RAP1GAP2: variants seen among roughly 807,000 people sequenced by gnomAD.
The protein encoded by RAP1GAP2 is RAP1 GTPase activating protein 2.
In RAP1GAP2, 27 loss-of-function variants were observed where a neutral mutation model predicts 95.0. That is an observed-to-expected ratio of 0.28 (90% CI 0.21 to 0.39). The LOEUF is 0.39. RAP1GAP2 is among the 10% of genes least tolerant of loss of function. The pLI, the probability that RAP1GAP2 is intolerant of heterozygous loss-of-function variation, is 1.00. For missense variants in RAP1GAP2, 771 were observed against 970.0 expected (o/e 0.79, Z 2.72); for synonymous variants, 373 against 380.9 (o/e 0.98, Z 0.24).
intron 3 of RAP1GAP2, among the ~76,000 whole-genome samples, chr17:2,950,808 A>G (rs181138594): frequency 3.3e-5 from 5 of 151,932 alleles, no homozygotes; most frequent in South Asian, 4.2e-4. Flanking sequence ...ATGGGGTTTC[A>G]TCATGTTGGC....
intron 17 of RAP1GAP2, among the ~76,000 whole-genome samples, chr17:3,015,516 G>T (rs912215889): frequency 6.6e-6 from 1 of 152,134 alleles, no homozygotes; most frequent in Non-Finnish European, 1.5e-5. Context: ...TGTAGACCCA[G>T]CTCTTCCTAA....
In RAP1GAP2 at chr17:2,920,976, G is replaced by A. The variant is rs533795348; in HGVS notation, c.165+15608G>A. Among the ~76,000 whole-genome samples the A allele has an allele frequency of 5.3e-5, 8 of 152,194 alleles. No homozygotes were observed. In the South Asian group the frequency reaches 6.2e-4, roughly 12 times the overall value. ...TGGATGGTGGGTTCTGTGTTGCTTC[G>A]TGAAGGGATGTCCCCTGCGTAGATC... is the stretch of plus-strand genomic sequence containing the variant. On this transcript the variant is annotated intron_variant, in intron 3 of 24. Transcript: ENST00000254695.
At chr17:2,768,418 G>A (rs1420624206) in intron 1 of RAP1GAP2, among the ~76,000 whole-genome samples, 2 of 152,148 alleles carry the variant, frequency 1.3e-5, no homozygotes, top group Non-Finnish European at 1.5e-5. Flanking sequence ...TAGGCTGGGC[G>A]TGGTGGCTCA....
intron 1 of RAP1GAP2, among the ~76,000 whole-genome samples, chr17:2,787,456 A>C (rs550007362): frequency 4.6e-5 from 7 of 151,790 alleles, no homozygotes; most frequent in Admixed American, 4.6e-4. Context: ...GGGTCTTACT[A>C]TGTTGCTGGG....
chr17:3,017,031 C>T (rs1288323371), intron 17 of RAP1GAP2, among the ~76,000 whole-genome samples: 1 of 152,124 alleles, frequency 6.6e-6, no homozygotes, highest in East Asian at 1.9e-4. Flanking sequence ...CTTTGAAGGC[C>T]TTTGGAGCCA....
chr17:2,893,881 T>G (rs2073802018), intron 2 of RAP1GAP2, among the ~76,000 whole-genome samples: 1 of 152,232 alleles, frequency 6.6e-6, no homozygotes, highest in Non-Finnish European at 1.5e-5. Context: ...TGCCACCCCC[T>G]GCTTGGCACG....
chr17:2,945,769 G>C (rs1326678264), intron 3 of RAP1GAP2, among the ~76,000 whole-genome samples: 1 of 149,864 alleles, frequency 6.7e-6, no homozygotes, highest in African/African-American at 2.5e-5. Flanking sequence ...GTGATACATT[G>C]ATTTTCTTTT....
At chr17:2,980,445 C>A (rs1350179746) in intron 9 of RAP1GAP2, 80 bp downstream of exon 9, 6 of 1,396,478 alleles carry the variant, frequency 4.3e-6, no homozygotes, top group Non-Finnish European at 6.1e-6. Flanking sequence ...GCAGGTATAT[C>A]CTGGGTAGGC....
rs574115840 is a variant in RAP1GAP2, at chr17:2,967,368, C to G, written c.596+1725C>G. 6.9e-4 allele frequency among the ~76,000 whole-genome samples: 105 copies of G among 151,720 alleles called. 1 individual carries two copies. In the South Asian group the frequency reaches 0.02, roughly 29 times the overall value. Reference sequence around the variant, plus strand: ...CCTGGGCGACAGAGTGAGACTCTGTCTCAACAACAACAACGATGACAACAA... The same window carrying G: ...CCTGGGCGACAGAGTGAGACTCTGTGTCAACAACAACAACGATGACAACAA... On this transcript the variant is annotated intron_variant, in intron 8 of 24. Coordinates refer to ENST00000254695, the MANE Select transcript of RAP1GAP2 (RefSeq NM_015085.5).
At chr17:2,991,565 A>G (rs1011519400) in intron 12 of RAP1GAP2, among the ~76,000 whole-genome samples, 168 bp downstream of exon 12, 1 of 150,394 alleles carries the variant, frequency 6.6e-6, no homozygotes, top group Non-Finnish European at 1.5e-5. Flanking sequence ...TCAGGGGTCC[A>G]AGGAGTGATC....
chr17:2,986,212 G>A lies in RAP1GAP2; in HGVS notation c.813+1146G>A, dbSNP rs142829833. Among the ~76,000 whole-genome samples, 963 of 152,240 alleles carry A rather than the reference G, an allele frequency of 6.3e-3. 10 individuals carry two copies. Among genetic ancestry groups the A allele is most frequent in the African/African-American group, 0.021 (865 of 41,538 alleles). ...AGATATTGGCCCTTAAGAGACATGC[G>A]TTTGCTTAAAAATATTCTAATTATA... On this transcript the variant is annotated intron_variant, in intron 11 of 24. Transcript: ENST00000254695.
At chr17:2,985,263 G>A (rs1597798783) in intron 11 of RAP1GAP2, among the ~76,000 whole-genome samples, 197 bp downstream of exon 11, 1 of 137,126 alleles carries the variant, frequency 7.3e-6, no homozygotes, top group South Asian at 2.5e-4. Flanking sequence ...AGGCCTGCAC[G>A]TCCTTAAACA....
intron 10 of RAP1GAP2, among the ~76,000 whole-genome samples, chr17:2,984,272 C>T (rs1324138038): frequency 3.3e-5 from 5 of 152,070 alleles, no homozygotes; most frequent in African/African-American, 4.8e-5. Flanking sequence ...TGCTTGAACC[C>T]GGGAGGCGGA....
At chr17:2,755,826 G>A (rs1206229317) in intron 1 of RAP1GAP2, 6 of 347,372 alleles carry the variant, frequency 1.7e-5, no homozygotes, top group Non-Finnish European at 2.6e-5. Context: ...AGGCCCGGCC[G>A]GCGCGGGAAG....
chr17:2,774,559 G>C (rs185100601), upstream of RAP1GAP2, among the ~76,000 whole-genome samples: 62 of 145,756 alleles, frequency 4.3e-4, no homozygotes, highest in Middle Eastern at 0.015. Flanking sequence ...TGCAATGTCC[G>C]ACTCCCGGTT....
intron 2 of RAP1GAP2, among the ~76,000 whole-genome samples, chr17:2,864,888 A>G (rs779601097): frequency 4.1e-4 from 62 of 152,218 alleles, no homozygotes; most frequent in Non-Finnish European, 4.4e-4. Context: ...ACAGAAACTC[A>G]GGAATAACGT....
chr17:2,806,144 G>T (rs2069506079), intron 2 of RAP1GAP2, among the ~76,000 whole-genome samples: 2 of 152,116 alleles, frequency 1.3e-5, no homozygotes, highest in African/African-American at 4.8e-5. Context: ...TTCTACTGTG[G>T]TTTGGCCAGA....
At position 3,029,347 on chromosome 17, in the gene RAP1GAP2, T is replaced by C. The variant is rs2047221491; in HGVS notation, c.2108-1575T>C. Among the ~76,000 whole-genome samples the C allele has an allele frequency of 6.6e-6, 1 of 152,118 alleles. No individual in the cohort carries two copies. Among genetic ancestry groups the C allele is most frequent in the Non-Finnish European group, 1.5e-5 (1 of 68,026 alleles). On this transcript the variant is annotated intron_variant, in intron 22 of 24. Transcript: ENST00000254695. This position sits in a 1 kb window ranked among gnomAD's most constrained non-coding sequence, Gnocchi z 4.4. ...CACACCACACGGTGAGGCTGCCTCTTACACACCTTTTCTCCACACAGTATT... is the reference window on the plus strand; with the variant it reads ...CACACCACACGGTGAGGCTGCCTCTCACACACCTTTTCTCCACACAGTATT...
At chr17:2,998,985 C>T (rs888069655) in intron 14 of RAP1GAP2, among the ~76,000 whole-genome samples, 4 of 152,118 alleles carry the variant, frequency 2.6e-5, no homozygotes, top group Non-Finnish European at 5.9e-5. Context: ...GCCTGGTAGA[C>T]CCTGGCCACT....
Sources: gnomAD v4.1 joint callset for allele counts (sites outside exome capture counted in the v4.1 genomes callset) on GRCh38, gnomAD v4.1.1 for gene constraint, Gnocchi (gnomAD v3.1) non-coding constraint, MANE v1.5 for transcripts, NCBI Gene and HGNC (gene_info 2026-07-23, HGNC 2026-07-21) for gene names.